Variants in CCNJ observed in about 807,000 individuals in gnomAD.
CCNJ encodes cyclin-J.
A neutral mutation model predicts 41.4 loss-of-function variants in CCNJ; 12 were observed. The observed-to-expected ratio is 0.29, with a 90% CI of 0.19 to 0.47. The LOEUF is 0.47. Ranked by LOEUF, CCNJ falls within the 20% of genes least tolerant of loss-of-function variation. CCNJ has a pLI of 1.00. For synonymous variants in CCNJ, 161 were observed against 173.4 expected (o/e 0.93, Z 0.56); for missense variants, 340 against 464.6 (o/e 0.73, Z 2.47).
chr10:96,056,376 CA>C (rs923988545), intron 3 of CCNJ, among the ~76,000 whole-genome samples: 6 of 151,684 alleles, frequency 4.0e-5, no homozygotes, highest in African/African-American at 7.3e-5. Context: ...CACCCACCTG[CA>C]AAAAAAATTT....
At chr10:96,056,572 T>C in intron 3 of CCNJ, 129 bp from the exon 4 acceptor site, 1 of 661,686 alleles carries the variant, frequency 1.5e-6, no homozygotes, top group Non-Finnish European at 2.6e-6. Flanking sequence ...CAATTGTATC[T>C]GTGTAAGGTA....
chr10:96,044,074 C>A (rs544648141), intron 1 of CCNJ, among the ~76,000 whole-genome samples: 3 of 152,222 alleles, frequency 2.0e-5, no homozygotes, highest in Non-Finnish European at 4.4e-5. Context: ...CGAGCTCGCA[C>A]CTGGCTCCGC....
At chr10:96,046,447 G>A (rs867929493) in intron 2 of CCNJ, among the ~76,000 whole-genome samples, 1 of 152,294 alleles carries the variant, frequency 6.6e-6, no homozygotes, top group South Asian at 2.1e-4. Context: ...GTAATTCCAG[G>A]CTATTAATTG....
At chr10:96,050,862 G>A (rs1047832207) in intron 3 of CCNJ, among the ~76,000 whole-genome samples, 16 of 152,164 alleles carry the variant, frequency 1.1e-4, no homozygotes, top group South Asian at 2.1e-4. Flanking sequence ...ACTTGGCAAC[G>A]TGTACAGACG....
intron 3 of CCNJ, among the ~76,000 whole-genome samples, chr10:96,054,446 C>CA (rs2080622118): frequency 6.6e-6 from 1 of 152,068 alleles, no homozygotes; most frequent in Non-Finnish European, 1.5e-5. Context: ...GGAAAAGTTC[C>CA]AAAAAATTTG....
chr10:96,048,693 T>A (rs1287324149), intron 2 of CCNJ, among the ~76,000 whole-genome samples: 3 of 152,194 alleles, frequency 2.0e-5, no homozygotes, highest in Non-Finnish European at 4.4e-5. Flanking sequence ...ATACAATAAA[T>A]GTTCTTTCAT....
rs771175842 is a variant in CCNJ at position 96,057,090 on chromosome 10, T to G, written c.583T>G (p.Tyr195Asp). ...DYFLEVSLQD[Y>D]AFLNYAPSLV... ...GTTCATTTTTGGTGTCTCCACAGATTATGCCTTTCTAAATTATGCACCTTC... is the reference window on the plus strand; with the variant it reads ...GTTCATTTTTGGTGTCTCCACAGATGATGCCTTTCTAAATTATGCACCTTC... The change falls in exon 5 of 6, where the codon TAT becomes GAT. Residue 195 changes from tyrosine (Y) to aspartate (D), a missense_variant and splice_region_variant. Around this residue, in one of 3 missense-constraint regions of CCNJ, gnomAD observed 137 missense variants for 252.9 expected, o/e 0.54. Coordinates refer to ENST00000465148, the MANE Select transcript of CCNJ (RefSeq NM_001134375.2). 1.2e-5 allele frequency: 19 copies of G among 1,614,074 alleles called. No individual in the cohort carries two copies. Among genetic ancestry groups the G allele is most frequent in the Non-Finnish European group, 1.4e-5 (17 of 1,179,998 alleles).
At chr10:96,054,252 T>C (rs1243991215) in intron 3 of CCNJ, among the ~76,000 whole-genome samples, 1 of 152,196 alleles carries the variant, frequency 6.6e-6, no homozygotes, top group East Asian at 1.9e-4. Flanking sequence ...TTCCTTTCAA[T>C]TGAAGAAACT....
intron 2 of CCNJ, among the ~76,000 whole-genome samples, chr10:96,048,064 T>C (rs1234443663): frequency 6.6e-6 from 1 of 152,136 alleles, no homozygotes; most frequent in East Asian, 1.9e-4. Flanking sequence ...CTGCATTAGT[T>C]TGCTAAGGAT....
chr10:96,056,685 C>G lies in CCNJ; in HGVS notation c.281-16C>G, dbSNP rs774068510. 6.4e-7 allele frequency: 1 copy of G among 1,561,550 alleles called. No individual in the cohort carries two copies. Among genetic ancestry groups the G allele is most frequent in the Non-Finnish European group, 8.7e-7 (1 of 1,154,786 alleles). On this transcript the variant is annotated splice_polypyrimidine_tract_variant and intron_variant, in intron 3 of 5. Transcript: ENST00000465148. ...CCTGACATTTTCTCTCCCCTCCCAT[C>G]CCCTTTTCTTATAAGGTAAATTTGA...
At chr10:96,048,413 C>G (rs1162878850) in intron 2 of CCNJ, among the ~76,000 whole-genome samples, 6 of 152,148 alleles carry the variant, frequency 3.9e-5, no homozygotes, top group African/African-American at 1.4e-4. Context: ...AGTGTAAAAG[C>G]GTTCCTTTTT....
chr10:96,043,427 C>T (rs897934296), upstream of CCNJ: 3 of 374,896 alleles, frequency 8.0e-6, no homozygotes, highest in African/African-American at 6.3e-5. Flanking sequence ...AGGCGGGAGC[C>T]GCCGCGCCGC....
chr10:96,056,651 G>A (rs1298019158), intron 3 of CCNJ, 50 bp from the exon 4 acceptor site: 2 of 1,377,574 alleles, frequency 1.5e-6, no homozygotes, highest in South Asian at 1.4e-5. Flanking sequence ...GACCAATAAT[G>A]ATCACTTGCC....
Position 96,044,363 on chromosome 10 carries a change from C to T in CCNJ, c.-31C>T, listed in dbSNP as rs1359828733. On this transcript the variant is annotated 5_prime_UTR_variant, in exon 2 of 6. Transcript: ENST00000465148. The stretch of plus-strand genomic sequence containing the variant: ...GGGTGTGTCTTACAGACTCGAGTTG[C>T]CGCGTCGGGCTGGGCGCGCCGCCGG... 4 of 1,495,960 alleles carry T rather than the reference C, an allele frequency of 2.7e-6. No individual in the cohort carries two copies. Among genetic ancestry groups the T allele is most frequent in the East Asian group, 5.1e-5 (2 of 39,366 alleles). 92.7% of individuals were successfully genotyped at this position (1,495,960 alleles called of 1,614,324 possible). A position where few individuals can be genotyped will look rare whatever the true frequency, so the allele number is the denominator to read the frequency against.
intron 3 of CCNJ, among the ~76,000 whole-genome samples, chr10:96,051,772 C>T (rs1458254771): frequency 1.3e-5 from 2 of 152,124 alleles, no homozygotes; most frequent in Non-Finnish European, 2.9e-5. Flanking sequence ...ATTTTCTGAC[C>T]TTTATTCTTC....
chr10:96,058,794 A>C lies in CCNJ; in HGVS notation c.*553A>C. 1 of 289,392 alleles carries C rather than the reference A, an allele frequency of 3.5e-6. No individual in the cohort carries two copies. The highest frequency in any genetic ancestry group is 6.3e-6 in the Non-Finnish European group (1 of 158,408). 17.9% of individuals were successfully genotyped at this position (289,392 alleles called of 1,614,324 possible). On this transcript the variant is annotated 3_prime_UTR_variant, in exon 6 of 6. Transcript: ENST00000465148. ...AATCTGCAGTAAAAAAAATTTTTTT[A>C]GATGATTCTATATAACTTCGTCTCA...
intron 2 of CCNJ, among the ~76,000 whole-genome samples, chr10:96,049,306 G>A (rs1225102091): frequency 1.3e-5 from 2 of 151,888 alleles, no homozygotes; most frequent in African/African-American, 4.8e-5. Flanking sequence ...TTTTTTGGTT[G>A]TTATCCAGTT....
Position 96,050,383 on chromosome 10 carries a change from A to G in CCNJ, c.197A>G (p.Tyr66Cys). Reference sequence around the variant, plus strand: ...CCTTCTGCCCGCCATCTTGCTGTCTATTTACTGGACCTGTTTATGGACCGC... The same window carrying G: ...CCTTCTGCCCGCCATCTTGCTGTCTGTTTACTGGACCTGTTTATGGACCGC... ...LCPSARHLAVYLLDLFMDRYD... is the reference protein window; with the variant it reads ...LCPSARHLAVCLLDLFMDRYD... Residue 66 changes from tyrosine to cysteine, a missense_variant, in exon 3 of 6, where the codon TAT becomes TGT. This residue lies in a region of CCNJ where 137 missense variants were observed against 252.9 expected (regional missense o/e 0.54). Coordinates refer to ENST00000465148, the MANE Select transcript of CCNJ (RefSeq NM_001134375.2). 6.2e-7 allele frequency: 1 copy of G among 1,614,044 alleles called. No individual in the cohort carries two copies. The highest frequency in any genetic ancestry group is 8.5e-7 in the Non-Finnish European group (1 of 1,179,992).
intron 2 of CCNJ, among the ~76,000 whole-genome samples, chr10:96,046,396 G>A (rs1434627698): frequency 6.6e-6 from 1 of 152,206 alleles, no homozygotes; most frequent in African/African-American, 2.4e-5. Context: ...GTAATACACT[G>A]AAGGAAACTT....
Sources: allele counts gnomAD v4.1 joint callset (sites outside exome capture counted in the v4.1 genomes callset), GRCh38; gene constraint gnomAD v4.1.1; regional missense constraint gnomAD v4.1.1; transcripts MANE v1.5; gene names NCBI Gene and HGNC (gene_info 2026-07-23, HGNC 2026-07-21).